ZSWIM7: variants seen among roughly 807,000 people sequenced by gnomAD.
ZSWIM7 encodes zinc finger SWIM domain-containing protein 7.
Under a neutral mutation model 21.1 loss-of-function variants are expected in ZSWIM7, and 22 were observed. The observed-to-expected ratio is 1.04, with a 90% confidence interval of 0.74 to 1.49. The LOEUF is 1.49. ZSWIM7 is among the 40% of genes most tolerant of loss of function. The pLI, the probability that ZSWIM7 is intolerant of heterozygous loss-of-function variation, is 0.00. For missense variants in ZSWIM7, 193 were observed against 168.0 expected (o/e 1.15, Z -0.82); for synonymous variants, 67 against 66.5 (o/e 1.01, Z -0.04).
intron 4 of ZSWIM7, 79 bp from the exon 5 acceptor site, chr17:15,978,242 A>G: frequency 9.9e-7 from 1 of 1,007,590 alleles, no homozygotes; most frequent in Non-Finnish European, 1.6e-6. Flanking sequence ...TCTCATTACC[A>G]TCTTATTTGG....
chr17:15,991,920 T>TG (rs200917696), intron 2 of ZSWIM7, among the ~76,000 whole-genome samples: 64,992 of 141,392 alleles, frequency 0.46, 15,935 homozygotes, highest in Middle Eastern at 0.58. Context: ...TTTTGTTTGT[T>TG]TTGTTTTGTT....
intron 2 of ZSWIM7, among the ~76,000 whole-genome samples, chr17:15,991,757 C>T (rs60889979): frequency 6.6e-6 from 1 of 152,090 alleles, no homozygotes; most frequent in Admixed American, 6.6e-5. Flanking sequence ...AGAAAAAACA[C>T]TGGTAGAGCT....
chr17:15,981,354 T>C (rs1375448637), intron 3 of ZSWIM7, among the ~76,000 whole-genome samples: 1 of 151,996 alleles, frequency 6.6e-6, no homozygotes, highest in Admixed American at 6.6e-5. Flanking sequence ...TAGGACAGCA[T>C]ATAAAGGAAC....
rs373603403 is a variant in ZSWIM7, at chr17:15,999,653, C to T, written c.-59G>A. On this transcript the variant is annotated 5_prime_UTR_variant, in exon 1 of 5. Transcript: ENST00000399277. ...ACCGCCGCGACGCTCCAGCTGACTG[C>T]GCCTACCTGTGGAGGATCCTGACCC... 6.4e-7 allele frequency: 1 copy of T among 1,564,088 alleles called. No individual in the cohort carries two copies. Among genetic ancestry groups the T allele is most frequent in the Non-Finnish European group, 8.7e-7 (1 of 1,155,490 alleles).
intron 1 of ZSWIM7, 196 bp from the exon 2 acceptor site, chr17:15,993,974 A>G: frequency 2.1e-6 from 1 of 482,298 alleles, no homozygotes; most frequent in Middle Eastern, 3.2e-4. Context: ...TTTGAGACGG[A>G]GTCTTGTCCT....
At chr17:15,982,202 G>A (rs1338699367) in intron 3 of ZSWIM7, among the ~76,000 whole-genome samples, 1 of 152,192 alleles carries the variant, frequency 6.6e-6, no homozygotes, top group African/African-American at 2.4e-5. Context: ...AGACACATCT[G>A]TAGTATGATC....
chr17:15,993,001 C>A (rs1970504880), intron 2 of ZSWIM7, among the ~76,000 whole-genome samples: 1 of 152,202 alleles, frequency 6.6e-6, no homozygotes, highest in African/African-American at 2.4e-5. Context: ...GCCTTAGCCT[C>A]CCAAGTAGCT....
intron 2 of ZSWIM7, among the ~76,000 whole-genome samples, chr17:15,992,708 C>G (rs536600821): frequency 1.3e-5 from 2 of 151,276 alleles, no homozygotes; most frequent in Non-Finnish European, 2.9e-5. Flanking sequence ...CAAAATGCTG[C>G]GATTACAGGC....
chr17:15,983,836 C>T (rs111943357), intron 3 of ZSWIM7, among the ~76,000 whole-genome samples: 4,891 of 152,236 alleles, frequency 0.032, 266 homozygotes, highest in African/African-American at 0.11. Context: ...ATCCACCCGC[C>T]TCAGCCTCCC....
At chr17:15,998,659 T>C (rs1970600354) in intron 1 of ZSWIM7, among the ~76,000 whole-genome samples, 1 of 152,030 alleles carries the variant, frequency 6.6e-6, no homozygotes, top group Non-Finnish European at 1.5e-5. Flanking sequence ...AGCCAAAGAG[T>C]ACCCTCTGCT....
chr17:15,983,732 A>G (rs574924734), intron 3 of ZSWIM7, among the ~76,000 whole-genome samples: 2 of 152,132 alleles, frequency 1.3e-5, no homozygotes, highest in African/African-American at 2.4e-5. Context: ...GATTACAGGC[A>G]TGTGCCACCA....
chr17:15,999,428 C>A (rs753479270), intron 1 of ZSWIM7, 91 bp downstream of exon 1: 2 of 1,489,454 alleles, frequency 1.3e-6, no homozygotes, highest in East Asian at 2.4e-5. Flanking sequence ...GGGCCAGGCC[C>A]GGACACCCCG....
chr17:15,992,211 G>A (rs1030456914), intron 2 of ZSWIM7, among the ~76,000 whole-genome samples: 2 of 152,126 alleles, frequency 1.3e-5, no homozygotes, highest in Admixed American at 6.5e-5. Context: ...ACAGGCGTGA[G>A]CCACCGCACC....
intron 2 of ZSWIM7, among the ~76,000 whole-genome samples, chr17:15,988,121 G>C (rs1260825249): frequency 6.6e-6 from 1 of 152,002 alleles, no homozygotes; most frequent in Non-Finnish European, 1.5e-5. Context: ...GTGCATAGAT[G>C]TATGCATATA....
rs541397088 is a variant in ZSWIM7 at position 15,998,099 on chromosome 17, A to G, written c.76+1420T>C. ...TGGGAGACAGAGCAAGACTCTGTCT[A>G]AAAAAAAAAAACAAACCAACCCAAA... On this transcript the variant is annotated intron_variant, in intron 1 of 4. Transcript: ENST00000399277. Among the ~76,000 whole-genome samples the G allele has an allele frequency of 8.5e-5, 11 of 128,846 alleles. No homozygotes were observed. The South Asian group carries it at 1.9e-3, about 22-fold the overall frequency. The allele number at this position is 128,846 out of a possible 152,430, so 84.5% of individuals were successfully genotyped here.
intron 3 of ZSWIM7, among the ~76,000 whole-genome samples, chr17:15,985,358 T>G (rs1970397294): frequency 6.6e-6 from 1 of 151,246 alleles, no homozygotes; most frequent in East Asian, 1.9e-4. Context: ...AACATAACAA[T>G]GACTTTAGAA....
In ZSWIM7 at chr17:15,981,129, TG is replaced by T; in HGVS notation, c.216del (p.Ser73ValfsTer39). 1.2e-6 allele frequency: 2 copies of T among 1,613,760 alleles called. No homozygotes were observed. The highest frequency in any genetic ancestry group is 1.7e-6 in the Non-Finnish European group (2 of 1,179,734). On this transcript the variant is annotated frameshift_variant, in exon 4 of 5. Coordinates refer to ENST00000399277, the MANE Select transcript of ZSWIM7 (RefSeq NM_001042697.2). LOFTEE classifies it high-confidence loss of function. ...GAAGCCAAACATGTGTATGTTTTAC[TG>T]GAACTTCCAAGGACCTACAAAGAAA... Reference protein sequence around the residue: ...GRRVYQVLGSSSKTYTCLASC... With the variant: ...GRRVYQVLGSXSKTYTCLASC...
intron 3 of ZSWIM7, among the ~76,000 whole-genome samples, chr17:15,985,760 A>G (rs1239255530): frequency 2.6e-5 from 4 of 152,224 alleles, no homozygotes; most frequent in Non-Finnish European, 4.4e-5. Context: ...TTCAAACAAA[A>G]GTCTACTTGC....
At chr17:15,984,884 G>T (rs934615122) in intron 3 of ZSWIM7, among the ~76,000 whole-genome samples, 1 of 152,182 alleles carries the variant, frequency 6.6e-6, no homozygotes, top group Non-Finnish European at 1.5e-5. Context: ...GGCTCCTGGT[G>T]GATACACAGC....
Sources: allele counts gnomAD v4.1 joint callset (sites outside exome capture counted in the v4.1 genomes callset), GRCh38; gene constraint gnomAD v4.1.1; transcripts MANE v1.5; gene names NCBI Gene and HGNC (gene_info 2026-07-23, HGNC 2026-07-21).